The following KCTD19 variants were observed in gnomAD, a reference collection of about 807,000 sequenced individuals.
The protein encoded by KCTD19 is potassium channel tetramerization domain containing 19.
Under a neutral mutation model 103.5 loss-of-function variants are expected in KCTD19, and 67 were observed. The observed-to-expected ratio is 0.65, with a 90% CI of 0.53 to 0.79. The LOEUF (loss-of-function observed/expected upper bound fraction) is 0.79. Among genes scored for constraint, KCTD19 ranks in the 30% least tolerant of loss-of-function variants. The pLI, the probability that KCTD19 is intolerant of heterozygous loss-of-function variation, is 0.00. For missense variants in KCTD19, 980 were observed against 1,136.1 expected (o/e 0.86, Z 1.98); for synonymous variants, 439 against 452.2 (o/e 0.97, Z 0.37).
At chr16:67,305,453 C>T (rs914434153) in intron 2 of KCTD19, 8 of 312,618 alleles carry the variant, frequency 2.6e-5, no homozygotes, top group Admixed American at 1.3e-4. Context: ...CTTTGTGGCC[C>T]GCCCAAGCAG....
intron 14 of KCTD19, 108 bp from the exon 15 acceptor site, chr16:67,291,094 G>A (rs1213483335): frequency 3.1e-6 from 4 of 1,272,886 alleles, no homozygotes; most frequent in Non-Finnish European, 4.4e-6. Context: ...GGGGTAGGGG[G>A]CGGGCACTGT....
rs1476610216 is a variant in KCTD19 at position 67,303,711 on chromosome 16, C to G, written c.452-374G>C. On this transcript the variant is annotated intron_variant, in intron 3 of 15. Transcript: ENST00000304372. This position sits in a 1 kb window ranked among gnomAD's most constrained non-coding sequence, Gnocchi z 4.3. ...TACAGGCACGTGCCACCACACCCAG[C>G]TAATTTTTGTGTTTTCAGTAGAGAC... Among the ~76,000 whole-genome samples, 1 of 152,124 alleles carries G rather than the reference C, an allele frequency of 6.6e-6. No individual in the cohort carries two copies. Among genetic ancestry groups the G allele is most frequent in the Non-Finnish European group, 1.5e-5 (1 of 68,014 alleles).
intron 5 of KCTD19, chr16:67,299,972 G>T: frequency 5.3e-6 from 1 of 189,716 alleles, no homozygotes; most frequent in Non-Finnish European, 1.1e-5. Context: ...AGGCTTCCTG[G>T]ATTCACAGCC....
At chr16:67,301,066 A>G (rs16957304) in intron 5 of KCTD19, 14,369 of 152,346 alleles carry the variant, frequency 0.094, 1,174 homozygotes, top group African/African-American at 0.23. Context: ...CCCATGTGCA[A>G]TGCAGTTCTA....
intron 8 of KCTD19, chr16:67,295,787 C>T (rs1392167350): frequency 3.1e-6 from 1 of 326,984 alleles, no homozygotes; most frequent in African/African-American, 2.1e-5. Context: ...CTCCGTCACC[C>T]AGGTTGGAGT....
intron 2 of KCTD19, among the ~76,000 whole-genome samples, chr16:67,305,934 C>T (rs571323855): frequency 3.6e-4 from 55 of 152,242 alleles, no homozygotes; most frequent in Admixed American, 1.5e-3. Context: ...CAAAAGAAGG[C>T]GGGCCAGAGT....
intron 5 of KCTD19, chr16:67,299,938 G>C (rs1239786401): frequency 4.5e-6 from 1 of 222,580 alleles, no homozygotes; most frequent in Non-Finnish European, 8.6e-6. Flanking sequence ...GGCAACCATG[G>C]CCTGGAAACT....
intron 15 of KCTD19, 140 bp downstream of exon 15, chr16:67,290,745 T>C: frequency 1.5e-6 from 1 of 687,266 alleles, no homozygotes; most frequent in Non-Finnish European, 2.4e-6. Flanking sequence ...ATGCAGTTTC[T>C]CCCTCCCTGG....
At chr16:67,313,810 C>A (rs2036973700) in intron 2 of KCTD19, among the ~76,000 whole-genome samples, 1 of 150,842 alleles carries the variant, frequency 6.6e-6, no homozygotes, top group Non-Finnish European at 1.5e-5. Context: ...CTGGCCGCCT[C>A]AGCCTCCCAA....
At chr16:67,294,218 A>G (rs2036737498) in intron 11 of KCTD19, 47 bp from the exon 12 acceptor site, 1 of 1,546,840 alleles carries the variant, frequency 6.5e-7, no homozygotes, top group East Asian at 2.3e-5. Context: ...GGGCATGGAC[A>G]TCAACGCCTT....
At chr16:67,308,801 T>C (rs1262345982) in intron 2 of KCTD19, among the ~76,000 whole-genome samples, 1 of 152,120 alleles carries the variant, frequency 6.6e-6, no homozygotes, top group East Asian at 1.9e-4. Context: ...CCCCATTTTG[T>C]GTTCTAGAAC....
rs770423573 is a variant in KCTD19 at position 67,299,368 on chromosome 16, G to T, written c.981C>A (p.His327Gln). The part of the protein sequence containing the change: ...YITGNGVLFQ[H>Q]VKNWLGTCRL... ...TGCCCTAAGGAGGACCTCACTTGAC[G>T]TGCTGAAAGAGGACGCCATTCCCTG... Residue 327 changes from histidine (H) to glutamine (Q), a missense_variant, in exon 6 of 16, where the codon CAC (histidine) becomes CAA (glutamine). Coordinates refer to ENST00000304372, the MANE Select transcript of KCTD19 (RefSeq NM_001100915.3). The T allele has an allele frequency of 5.0e-6, 8 of 1,614,054 alleles. No homozygotes were observed. The African/African-American group carries it at 5.3e-5, about 11-fold the overall frequency.
At chr16:67,319,179 C>A (rs963770152) in intron 2 of KCTD19, among the ~76,000 whole-genome samples, 1 of 150,762 alleles carries the variant, frequency 6.6e-6, no homozygotes, top group African/African-American at 2.4e-5. Flanking sequence ...GCCGAGATGG[C>A]GCCATTGCAC....
In KCTD19 at chr16:67,305,503, G is replaced by A. The variant is rs1218864473; in HGVS notation, c.301-932C>T. 2.4e-5 allele frequency: 10 copies of A among 412,786 alleles called. No individual in the cohort carries two copies. The East Asian group carries it at 6.1e-4, about 25-fold the overall frequency. 25.6% of individuals were successfully genotyped at this position (412,786 alleles called of 1,614,324 possible). On this transcript the variant is annotated intron_variant, in intron 2 of 15. Transcript: ENST00000304372. ...AGCTTGTCAGCTTGAAGGATCAGGC[G>A]ACCAGAGGTGGGCTGAGGCTGGAGT...
chr16:67,296,334 G>C (rs1036991641), intron 7 of KCTD19, 75 bp from the exon 8 acceptor site: 4 of 900,686 alleles, frequency 4.4e-6, no homozygotes, highest in Non-Finnish European at 7.5e-6. Flanking sequence ...TTGGTTAGTA[G>C]TGTATTTCAC....
chr16:67,299,476 C>A lies in KCTD19; in HGVS notation c.873G>T (p.Leu291=). ...AGTCCGGGTACTTGACCAGCAGACCCAGGGCCATTGTGTAGAGCGGTTTCA... is the reference window on the plus strand; with the variant it reads ...AGTCCGGGTACTTGACCAGCAGACCAAGGGCCATTGTGTAGAGCGGTTTCA... ...ESVKPLYTMA[L]GLLVKYPDSA... is the part of the protein sequence containing the mutation. Residue 291 remains leucine (L), a synonymous_variant, in exon 6 of 16, where the codon CTG becomes CTT. Transcript: ENST00000304372. 6.2e-7 allele frequency: 1 copy of A among 1,614,222 alleles called. No individual in the cohort carries two copies. The highest frequency in any genetic ancestry group is 8.5e-7 in the Non-Finnish European group (1 of 1,180,042).
At chr16:67,312,749 T>C (rs2036961983) in intron 2 of KCTD19, among the ~76,000 whole-genome samples, 1 of 152,110 alleles carries the variant, frequency 6.6e-6, no homozygotes, top group African/African-American at 2.4e-5. Flanking sequence ...TACATTCAAT[T>C]CATCAGCAAA....
rs372761904 is a variant in KCTD19, at chr16:67,294,172, C to G, written c.1591-1G>C. The G allele has an allele frequency of 6.3e-7, 1 of 1,597,368 alleles. No individual in the cohort carries two copies. The highest frequency in any genetic ancestry group is 2.3e-5 in the East Asian group (1 of 44,412). ...AGTCCACAGGCATGTAGGCTGTGGT[C>G]TGGGGAGGGAAGGGCACAGTAACTC... On this transcript the variant is annotated splice_acceptor_variant, in intron 11 of 15. Coordinates refer to ENST00000304372, the MANE Select transcript of KCTD19 (RefSeq NM_001100915.3). LOFTEE classifies it high-confidence loss of function.
intron 2 of KCTD19, among the ~76,000 whole-genome samples, chr16:67,314,434 T>G (rs1265609414): frequency 6.6e-6 from 1 of 152,076 alleles, no homozygotes; most frequent in Admixed American, 6.6e-5. Context: ...TCACTGCTCA[T>G]TCTCCATTCT....
Sources: allele counts gnomAD v4.1 joint callset (sites outside exome capture counted in the v4.1 genomes callset), GRCh38; gene constraint gnomAD v4.1.1; non-coding constraint Gnocchi (gnomAD v3.1); transcripts MANE v1.5; gene names NCBI Gene and HGNC (gene_info 2026-07-23, HGNC 2026-07-21).